Variants in SMYD3 observed in about 807,000 individuals in gnomAD.
SMYD3 encodes SET and MYND domain containing 3.
Under a neutral mutation model 57.7 loss-of-function variants are expected in SMYD3, and 36 were observed. That is an observed-to-expected ratio of 0.62 (90% CI 0.48 to 0.82). The LOEUF (loss-of-function observed/expected upper bound fraction) is 0.82. Ranked by LOEUF, SMYD3 falls within the 40% of genes least tolerant of loss-of-function variation. SMYD3 has a pLI of 0.00. For missense variants in SMYD3, 515 were observed against 538.8 expected (o/e 0.96, Z 0.44); for synonymous variants, 211 against 195.0 (o/e 1.08, Z -0.68).
chr1:245,779,319 G>A (rs2046741674), intron 10 of SMYD3, among the ~76,000 whole-genome samples: 1 of 152,056 alleles, frequency 6.6e-6, no homozygotes, highest in African/African-American at 2.4e-5. Flanking sequence ...AAGAAAAAAT[G>A]GTCAAGAGAC....
At chr1:246,284,282 G>A (rs372585986) in intron 5 of SMYD3, among the ~76,000 whole-genome samples, 24 of 152,138 alleles carry the variant, frequency 1.6e-4, no homozygotes, top group African/African-American at 3.9e-4. Context: ...AGCAGGCTCC[G>A]AAATCTTTCA....
chr1:246,036,039 A>T (rs1258528960), intron 5 of SMYD3, among the ~76,000 whole-genome samples: 1 of 152,226 alleles, frequency 6.6e-6, no homozygotes, highest in South Asian at 2.1e-4. Context: ...CGGAGCATTT[A>T]AAAAATATAC....
intron 5 of SMYD3, among the ~76,000 whole-genome samples, chr1:246,153,265 C>T (rs936622640): frequency 6.6e-6 from 1 of 152,092 alleles, no homozygotes; most frequent in East Asian, 1.9e-4. Flanking sequence ...TTGAGAGGAA[C>T]AGTCCTCCTA....
intron 5 of SMYD3, among the ~76,000 whole-genome samples, chr1:246,026,735 C>G (rs1185689343): frequency 1.3e-5 from 2 of 152,150 alleles, no homozygotes; most frequent in African/African-American, 4.8e-5. Context: ...CTCAGGCCTC[C>G]ATATCCCTGA....
intron 1 of SMYD3, among the ~76,000 whole-genome samples, chr1:246,505,682 A>C (rs554087298): frequency 3.3e-5 from 5 of 152,352 alleles, no homozygotes; most frequent in African/African-American, 9.6e-5. Flanking sequence ...TACTGCAAAC[A>C]GGAAAAATGA....
At chr1:246,001,410 T>A (rs2059042042) in intron 5 of SMYD3, among the ~76,000 whole-genome samples, 1 of 152,094 alleles carries the variant, frequency 6.6e-6, no homozygotes, top group South Asian at 2.1e-4. Flanking sequence ...GGTGCAGATG[T>A]TTTTGAAAGT....
chr1:246,293,479 A>C (rs1360116501), intron 5 of SMYD3, among the ~76,000 whole-genome samples: 1 of 152,198 alleles, frequency 6.6e-6, no homozygotes, highest in African/African-American at 2.4e-5. Context: ...GTAACTTCTA[A>C]GTAGTATAAC....
chr1:246,101,607 T>C (rs1229614714), intron 5 of SMYD3, among the ~76,000 whole-genome samples: 1 of 152,268 alleles, frequency 6.6e-6, no homozygotes, highest in Non-Finnish European at 1.5e-5. Flanking sequence ...AATCATTTAA[T>C]TGTACATTGA....
At chr1:245,953,787 T>C (rs886210617) in intron 5 of SMYD3, among the ~76,000 whole-genome samples, 1 of 152,342 alleles carries the variant, frequency 6.6e-6, no homozygotes, top group African/African-American at 2.4e-5. Flanking sequence ...TTCAAAAGTA[T>C]GTTCTGTGAT....
Position 246,376,331 on chromosome 1 carries a change from C to A in SMYD3, c.165-21237G>T, listed in dbSNP as rs938356194. ...AAGCAGGGCACAGTAGCTTTGGGAGCCCAAATCCTAGCACTTTGGGAGGCC... is the reference window on the plus strand; with the variant it reads ...AAGCAGGGCACAGTAGCTTTGGGAGACCAAATCCTAGCACTTTGGGAGGCC... On this transcript the variant is annotated intron_variant, in intron 1 of 11. Coordinates refer to ENST00000490107, the MANE Select transcript of SMYD3 (RefSeq NM_001167740.2). Among the ~76,000 whole-genome samples the A allele has an allele frequency of 5.3e-5, 8 of 151,982 alleles. 1 individual carries two copies. Among genetic ancestry groups the A allele is most frequent in the Admixed American group, 3.9e-4 (6 of 15,260 alleles).
intron 5 of SMYD3, among the ~76,000 whole-genome samples, chr1:246,037,135 C>T (rs1439697753): frequency 6.6e-6 from 1 of 152,048 alleles, no homozygotes; most frequent in Non-Finnish European, 1.5e-5. Context: ...CATGTATTAG[C>T]TAAAGTATCA....
chr1:245,843,238 C>T (rs1012274145), intron 10 of SMYD3, among the ~76,000 whole-genome samples: 2 of 152,036 alleles, frequency 1.3e-5, no homozygotes, highest in African/African-American at 4.8e-5. Flanking sequence ...CTTACGAGCC[C>T]ACTGGGGTAG....
Position 246,202,268 on chromosome 1 carries a change from C to T in SMYD3, c.531+124933G>A, listed in dbSNP as rs1382681576. Among the ~76,000 whole-genome samples the T allele has an allele frequency of 1.3e-5, 2 of 152,098 alleles. No individual in the cohort carries two copies. Among genetic ancestry groups the T allele is most frequent in the African/African-American group, 2.4e-5 (1 of 41,408 alleles). On this transcript the variant is annotated intron_variant, in intron 5 of 11. Transcript: ENST00000490107. The surrounding 1 kb of genome is among the most constrained non-coding windows in gnomAD (Gnocchi z 4.1). ...TAGTACTGTAGTTCCTGAAACACTG[C>T]CTTAAAAATCCATTTTTCTCATAAA...
chr1:245,786,048 A>ACAT (rs1458176312), intron 10 of SMYD3, among the ~76,000 whole-genome samples: 4 of 149,284 alleles, frequency 2.7e-5, no homozygotes, highest in African/African-American at 9.9e-5. Flanking sequence ...TACCACGGTT[A>ACAT]CATTTATTTT....
At chr1:246,055,196 A>C (rs977041759) in intron 5 of SMYD3, among the ~76,000 whole-genome samples, 1 of 149,856 alleles carries the variant, frequency 6.7e-6, no homozygotes, top group Non-Finnish European at 1.5e-5. Flanking sequence ...AAAAAAAAAA[A>C]CAAATGTTGG....
At chr1:245,791,889 TCTCA>T (rs927672316) in intron 10 of SMYD3, among the ~76,000 whole-genome samples, 1 of 152,036 alleles carries the variant, frequency 6.6e-6, no homozygotes, top group Non-Finnish European at 1.5e-5. Context: ...TTCTGGTAGT[TCTCA>T]CTGTCATGCC....
intron 1 of SMYD3, among the ~76,000 whole-genome samples, chr1:246,427,692 CATCTCTACAAAAATTTTAAAA>C (rs1367438347): frequency 1.3e-5 from 2 of 151,492 alleles, no homozygotes; most frequent in Non-Finnish European, 2.9e-5. Flanking sequence ...AGGGAGACTC[CATCTCTACAAAAATTTTAAAA>C]ATCAGCCAGG....
At chr1:246,259,913 G>A (rs1313947578) in intron 5 of SMYD3, among the ~76,000 whole-genome samples, 1 of 152,236 alleles carries the variant, frequency 6.6e-6, no homozygotes, top group Non-Finnish European at 1.5e-5. Context: ...TCTCTACACA[G>A]GAATGGGGGA....
chr1:245,757,717 T>C (rs1646629173), intron 11 of SMYD3, among the ~76,000 whole-genome samples: 1 of 152,186 alleles, frequency 6.6e-6, no homozygotes, highest in South Asian at 2.1e-4. Flanking sequence ...GCATCCATGT[T>C]GAAAATCATT....
Sources: gnomAD v4.1 joint callset for allele counts (sites outside exome capture counted in the v4.1 genomes callset) on GRCh38, gnomAD v4.1.1 for gene constraint, Gnocchi (gnomAD v3.1) non-coding constraint, MANE v1.5 for transcripts, NCBI Gene and HGNC (gene_info 2026-07-23, HGNC 2026-07-21) for gene names.